FAM171A1: variants seen among roughly 807,000 people sequenced by gnomAD.
FAM171A1 encodes family with sequence similarity 171 member A1.
FAM171A1 carries 23 observed loss-of-function variants against 74.9 expected under a neutral mutation model. The ratio of observed to expected loss-of-function variants is 0.31; its 90% CI spans 0.22 to 0.44. The LOEUF (loss-of-function observed/expected upper bound fraction) is 0.44, where lower values mean the gene tolerates loss of function less well. Among genes scored for constraint, FAM171A1 ranks in the 20% least tolerant of loss-of-function variants. The probability of loss-of-function intolerance (pLI) is 1.00; values close to 1 mark genes in which losing one functional copy is unlikely to be tolerated. For missense variants in FAM171A1, 1,162 were observed against 1,159.2 expected, an observed-to-expected ratio of 1.00 and a Z score of -0.03; for synonymous variants, 527 against 505.7, an observed-to-expected ratio of 1.04 and a Z score of -0.57.
At chr10:15,334,534 C>CCAAA (rs1258013378) in intron 1 of FAM171A1, among the ~76,000 whole-genome samples, 5 of 152,174 alleles carry the variant, frequency 3.3e-5, no homozygotes, top group African/African-American at 1.2e-4. Flanking sequence ...TTGAAAGAAG[C>CCAAA]CAAACAAAAG....
upstream of FAM171A1, among the ~76,000 whole-genome samples, chr10:15,374,089 C>T (rs531101198): frequency 2.3e-4 from 35 of 152,268 alleles, no homozygotes; most frequent in African/African-American, 7.5e-4. Context: ...GACACCCCTG[C>T]GAGACGCTCA....
chr10:15,339,680 C>T (rs1199654226), intron 1 of FAM171A1, among the ~76,000 whole-genome samples: 1 of 152,154 alleles, frequency 6.6e-6, no homozygotes, highest in African/African-American at 2.4e-5. Context: ...TCCTCCTACA[C>T]CCAACCCCTT....
chr10:15,289,118 G>A (rs945652073), intron 1 of FAM171A1, among the ~76,000 whole-genome samples: 7 of 152,130 alleles, frequency 4.6e-5, no homozygotes, highest in Middle Eastern at 3.4e-3. Context: ...CATCACACCC[G>A]GCCTGATTCG....
intron 5 of FAM171A1, among the ~76,000 whole-genome samples, chr10:15,247,906 G>A (rs1834455961): frequency 1.3e-5 from 2 of 152,196 alleles, no homozygotes; most frequent in Non-Finnish European, 2.9e-5. Context: ...AAGGAAGTGA[G>A]GTCTGCCTTC....
intron 1 of FAM171A1, among the ~76,000 whole-genome samples, chr10:15,327,706 T>A (rs1337216354): frequency 2.6e-5 from 4 of 151,978 alleles, no homozygotes; most frequent in Non-Finnish European, 5.9e-5. Flanking sequence ...CACTCATAAA[T>A]ATAAGCTAAA....
At chr10:15,306,659 C>T (rs1056763050) in intron 1 of FAM171A1, among the ~76,000 whole-genome samples, 1 of 152,222 alleles carries the variant, frequency 6.6e-6, no homozygotes, top group East Asian at 1.9e-4. Flanking sequence ...AGCCACTGAG[C>T]CTGGCATAGC....
chr10:15,234,245 T>C (rs898313593), intron 5 of FAM171A1, among the ~76,000 whole-genome samples: 1 of 152,104 alleles, frequency 6.6e-6, no homozygotes, highest in Admixed American at 6.5e-5. Flanking sequence ...TACAAAAGTA[T>C]AAAACCAAAA....
chr10:15,264,570 A>C (rs1834712852), intron 3 of FAM171A1, among the ~76,000 whole-genome samples: 1 of 151,846 alleles, frequency 6.6e-6, no homozygotes, highest in African/African-American at 2.4e-5. Context: ...AGATAGCTTG[A>C]GCCTAGGAAC....
intron 1 of FAM171A1, among the ~76,000 whole-genome samples, chr10:15,289,264 A>C (rs1419500072): frequency 6.6e-6 from 1 of 152,188 alleles, no homozygotes; most frequent in African/African-American, 2.4e-5. Context: ...GCAAGGCATT[A>C]GTTACTACAT....
At chr10:15,284,372 G>T (rs574262971) in intron 1 of FAM171A1, among the ~76,000 whole-genome samples, 32 of 152,206 alleles carry the variant, frequency 2.1e-4, no homozygotes, top group African/African-American at 7.5e-4. Flanking sequence ...ATGATCAAGA[G>T]AAAAATTCTA....
At position 15,222,343 on chromosome 10, in the gene FAM171A1, C is replaced by T. The variant is rs190208287; in HGVS notation, c.755-1283G>A. Reference sequence around the variant, plus strand: ...CATCATAGAGCGTCCTTATGCAAACCTAGATGGTACTGCCTCCTACACACC... The same window carrying T: ...CATCATAGAGCGTCCTTATGCAAACTTAGATGGTACTGCCTCCTACACACC... On this transcript the variant is annotated intron_variant, in intron 5 of 7. Coordinates refer to ENST00000378116, the MANE Select transcript of FAM171A1 (RefSeq NM_001010924.2). Among the ~76,000 whole-genome samples the T allele has an allele frequency of 1.1e-4, 17 of 152,284 alleles. 1 individual carries two copies. The East Asian group carries it at 3.3e-3, about 29-fold the overall frequency.
At chr10:15,300,651 A>G (rs1327759493) in intron 1 of FAM171A1, among the ~76,000 whole-genome samples, 1 of 136,870 alleles carries the variant, frequency 7.3e-6, no homozygotes, top group African/African-American at 2.7e-5. Context: ...ATAGTATGCT[A>G]TTCAGAGTGC....
intron 1 of FAM171A1, among the ~76,000 whole-genome samples, chr10:15,339,845 C>T (rs577423586): frequency 5.6e-4 from 85 of 152,198 alleles, no homozygotes; most frequent in Middle Eastern, 3.4e-3. Context: ...CCGTGTGGCT[C>T]GGGAGGCCTC....
chr10:15,242,844 A>T (rs1834379845), intron 5 of FAM171A1, among the ~76,000 whole-genome samples: 1 of 152,072 alleles, frequency 6.6e-6, no homozygotes, highest in Admixed American at 6.6e-5. Context: ...TTCCCAATGT[A>T]CTGTCATGGT....
At chr10:15,232,350 T>A (rs768475652) in intron 5 of FAM171A1, among the ~76,000 whole-genome samples, 1 of 152,206 alleles carries the variant, frequency 6.6e-6, no homozygotes, top group South Asian at 2.1e-4. Context: ...GCTTAATTGT[T>A]TCTCCGCCAT....
rs750216199 is a variant in FAM171A1 at position 15,331,859 on chromosome 10, G to T, written c.97+39097C>A. 6.7e-5 allele frequency among the ~76,000 whole-genome samples: 3 copies of T among 44,954 alleles called. 1 individual carries two copies. The highest frequency in any genetic ancestry group is 2.6e-4 in the African/African-American group (3 of 11,448). 29.5% of individuals were successfully genotyped at this position (44,954 alleles called of 152,430 possible). On this transcript the variant is annotated intron_variant, in intron 1 of 7. Transcript: ENST00000378116. ...TATATATGTGTGTATATATATGTGT[G>T]TATATATATGTGTGTGTATACATAT...
chr10:15,237,753 CT>C (rs35123700), intron 5 of FAM171A1: 83,971 of 148,340 alleles, frequency 0.57, 23,648 homozygotes, highest in South Asian at 0.72. Flanking sequence ...ACTTCAATCG[CT>C]TTTTTTTTTT....
At chr10:15,270,553 G>A (rs1399698594) in intron 3 of FAM171A1, among the ~76,000 whole-genome samples, 1 of 152,300 alleles carries the variant, frequency 6.6e-6, no homozygotes, top group South Asian at 2.1e-4. Flanking sequence ...CAGAGTTTGA[G>A]ATCTGAGAAC....
At chr10:15,287,741 T>C (rs536077950) in intron 1 of FAM171A1, among the ~76,000 whole-genome samples, 2 of 152,308 alleles carry the variant, frequency 1.3e-5, no homozygotes, top group Admixed American at 1.3e-4. Flanking sequence ...AGTAGTATAC[T>C]ATTCCTCTTA....
Sources: allele counts gnomAD v4.1 joint callset (sites outside exome capture counted in the v4.1 genomes callset), GRCh38; gene constraint gnomAD v4.1.1; transcripts MANE v1.5; gene names NCBI Gene and HGNC (gene_info 2026-07-23, HGNC 2026-07-21).